The following LPP variants were observed in gnomAD, a reference collection of about 807,000 sequenced individuals.
LPP encodes lipoma-preferred partner.
LPP carries 38 observed loss-of-function variants against 60.4 expected under a neutral mutation model. The ratio of observed to expected loss-of-function variants is 0.63; its 90% CI spans 0.49 to 0.83. The LOEUF (loss-of-function observed/expected upper bound fraction) is 0.83. LPP is among the 40% of genes least tolerant of loss of function. LPP has a pLI of 0.00. For missense variants in LPP, 902 were observed against 783.6 expected (o/e 1.15, Z -1.80); for synonymous variants, 328 against 290.8 (o/e 1.13, Z -1.30).
chr3:188,245,994 T>C (rs1180214431), intron 2 of LPP, among the ~76,000 whole-genome samples: 4 of 152,260 alleles, frequency 2.6e-5, no homozygotes, highest in Admixed American at 2.6e-4. Context: ...CAAAGTTTTT[T>C]ACTTTATTTT....
At chr3:188,207,621 CTTTTTTTTT>C (rs77534309) in intron 1 of LPP, among the ~76,000 whole-genome samples, 5 of 131,312 alleles carry the variant, frequency 3.8e-5, no homozygotes, top group African/African-American at 1.4e-4. Context: ...TCTTTTTCTT[CTTTTTTTTT>C]TTTTTTTTTA....
At chr3:188,153,146 A>C (rs907217441), upstream of LPP, 1 of 152,244 alleles carries the variant, frequency 6.6e-6, no homozygotes, top group Non-Finnish European at 1.5e-5. Flanking sequence ...TGGTCCGCAC[A>C]GCTCGCGGGC....
At chr3:188,543,907 T>G (rs1825863455) in intron 6 of LPP, among the ~76,000 whole-genome samples, 1 of 152,206 alleles carries the variant, frequency 6.6e-6, no homozygotes, top group South Asian at 2.1e-4. Flanking sequence ...AGACTTACTG[T>G]CCACAGGGAT....
At chr3:188,540,706 A>G (rs1824930817) in intron 6 of LPP, among the ~76,000 whole-genome samples, 1 of 152,220 alleles carries the variant, frequency 6.6e-6, no homozygotes, top group Non-Finnish European at 1.5e-5. Flanking sequence ...ACAGTGTTTG[A>G]CATATTTAGC....
intron 9 of LPP, among the ~76,000 whole-genome samples, chr3:188,772,499 C>CTTTTCTTTTT (rs1188741581): frequency 6.6e-6 from 1 of 151,074 alleles, no homozygotes; most frequent in Admixed American, 6.6e-5. Context: ...CTTTTCTTTT[C>CTTTTCTTTTT]TTTTCTTTTT....
At chr3:188,601,959 T>A (rs1841282628) in intron 6 of LPP, among the ~76,000 whole-genome samples, 1 of 150,578 alleles carries the variant, frequency 6.6e-6, no homozygotes, top group South Asian at 2.1e-4. Context: ...TCCCAGCTAT[T>A]TGAGAGGCTT....
At chr3:188,535,295 A>G (rs1227818074) in intron 6 of LPP, among the ~76,000 whole-genome samples, 2 of 152,192 alleles carry the variant, frequency 1.3e-5, no homozygotes, top group Non-Finnish European at 2.9e-5. Flanking sequence ...ACGTAACAGA[A>G]TATACCTTAC....
intron 7 of LPP, among the ~76,000 whole-genome samples, chr3:188,658,205 G>A (rs140196379): frequency 0.032 from 4,688 of 148,192 alleles, 102 homozygotes; most frequent in Middle Eastern, 0.059. Context: ...GTGCAACAGC[G>A]TGATCTCAGC....
intron 4 of LPP, among the ~76,000 whole-genome samples, chr3:188,420,085 T>A (rs6771680): frequency 0.4 from 61,284 of 151,872 alleles, 15,377 homozygotes; most frequent in African/African-American, 0.71. Flanking sequence ...TAGTTTTTTT[T>A]AAAAAATTCT....
intron 7 of LPP, among the ~76,000 whole-genome samples, chr3:188,703,465 TAAGAGAC>T (rs1864884064): frequency 6.6e-6 from 1 of 152,192 alleles, no homozygotes; most frequent in Non-Finnish European, 1.5e-5. Flanking sequence ...TTCTTTGGTG[TAAGAGAC>T]AACTCTTAAC....
At chr3:188,538,639 G>C (rs946883973) in intron 6 of LPP, among the ~76,000 whole-genome samples, 11 of 152,140 alleles carry the variant, frequency 7.2e-5, no homozygotes, top group African/African-American at 2.7e-4. Flanking sequence ...CTTCAAAATT[G>C]GTCATAGTTA....
chr3:188,659,634 G>A (rs1461231894), intron 7 of LPP, among the ~76,000 whole-genome samples: 2 of 152,208 alleles, frequency 1.3e-5, no homozygotes, highest in African/African-American at 4.8e-5. Flanking sequence ...AGTGCAGCCA[G>A]AGACTTGCTC....
At chr3:188,291,724 CT>C (rs1461503054) in intron 2 of LPP, among the ~76,000 whole-genome samples, 3 of 150,930 alleles carry the variant, frequency 2.0e-5, no homozygotes, top group Non-Finnish European at 1.5e-5. Context: ...TTTCAAAACA[CT>C]TAAGTACCCA....
intron 4 of LPP, among the ~76,000 whole-genome samples, chr3:188,422,992 C>A (rs1042410736): frequency 1.4e-5 from 2 of 146,302 alleles, no homozygotes; most frequent in Non-Finnish European, 3.0e-5. Context: ...GATACATGTG[C>A]AGAACGTGCA....
chr3:188,160,194 G>A (rs947544198), intron 1 of LPP, among the ~76,000 whole-genome samples: 3 of 150,218 alleles, frequency 2.0e-5, no homozygotes, highest in Non-Finnish European at 3.0e-5. Flanking sequence ...ACAGGCGTGA[G>A]CCACCACGCT....
chr3:188,381,275 A>G (rs1159195557), intron 3 of LPP, among the ~76,000 whole-genome samples: 1 of 152,170 alleles, frequency 6.6e-6, no homozygotes, highest in Non-Finnish European at 1.5e-5. Context: ...TACTTCTGCT[A>G]TTGATTTTCA....
At chr3:188,212,040 G>A (rs1027609531) in intron 1 of LPP, among the ~76,000 whole-genome samples, 1 of 152,016 alleles carries the variant, frequency 6.6e-6, no homozygotes, top group Non-Finnish European at 1.5e-5. Flanking sequence ...TGTATTTTTA[G>A]TAGAGACCAG....
At chr3:188,245,370 C>A (rs1198881441) in intron 2 of LPP, among the ~76,000 whole-genome samples, 4 of 152,178 alleles carry the variant, frequency 2.6e-5, no homozygotes, top group Non-Finnish European at 5.9e-5. Flanking sequence ...CTCGGCCTCC[C>A]AAAGTGCTGG....
intron 7 of LPP, among the ~76,000 whole-genome samples, chr3:188,653,545 A>G (rs1037048763): frequency 1.3e-5 from 2 of 152,142 alleles, no homozygotes; most frequent in African/African-American, 2.4e-5. Context: ...TCATCCATAT[A>G]TAATAGATGG....
Sources: gnomAD v4.1 joint callset for allele counts (sites outside exome capture counted in the v4.1 genomes callset) on GRCh38, gnomAD v4.1.1 for gene constraint, MANE v1.5 for transcripts, NCBI Gene and HGNC (gene_info 2026-07-23, HGNC 2026-07-21) for gene names.